The following EVI5 variants were observed in gnomAD, a reference collection of about 807,000 sequenced individuals.
The protein encoded by EVI5 is ecotropic viral integration site 5.
Under a neutral mutation model 112.0 loss-of-function variants are expected in EVI5, and 73 were observed. That is an observed-to-expected ratio of 0.65 (90% CI 0.54 to 0.79). The LOEUF is 0.79. EVI5 is among the 30% of genes least tolerant of loss of function. The pLI is 0.00. For missense variants in EVI5, 900 were observed against 968.8 expected, an observed-to-expected ratio of 0.93 and a Z score of 0.94; for synonymous variants, 305 against 319.9, an observed-to-expected ratio of 0.95 and a Z score of 0.50.
chr1:92,774,498 TC>T (rs1683856049), intron 1 of EVI5, among the ~76,000 whole-genome samples: 1 of 152,194 alleles, frequency 6.6e-6, no homozygotes, highest in Non-Finnish European at 1.5e-5. Flanking sequence ...CATCCTTCCT[TC>T]TATCTCAGTG....
chr1:92,683,163 G>C (rs1667888801), intron 9 of EVI5, among the ~76,000 whole-genome samples: 1 of 152,078 alleles, frequency 6.6e-6, no homozygotes, highest in Non-Finnish European at 1.5e-5. Context: ...TCTGCCCCAT[G>C]ATCACAATTC....
chr1:92,789,159 G>T (rs139925444), upstream of EVI5, among the ~76,000 whole-genome samples: 19 of 152,098 alleles, frequency 1.2e-4, no homozygotes, highest in Non-Finnish European at 2.4e-4. Context: ...CTACTAGATC[G>T]AGAGCTTCAC....
At chr1:92,659,571 T>TA (rs1249356854) in intron 13 of EVI5, among the ~76,000 whole-genome samples, 1 of 152,044 alleles carries the variant, frequency 6.6e-6, no homozygotes, top group Non-Finnish European at 1.5e-5. Flanking sequence ...GAATGGCTAT[T>TA]AAAAAGTCAG....
chr1:92,733,403 C>T (rs1381611848), intron 2 of EVI5: 4 of 101,408 alleles, frequency 3.9e-5, no homozygotes, highest in Non-Finnish European at 7.5e-5. Context: ...TTTACATTAT[C>T]ATCTTTTTTT....
chr1:92,766,623 T>C lies in EVI5; in HGVS notation c.-82+18213A>G, dbSNP rs533544333. Among the ~76,000 whole-genome samples, 26 of 152,268 alleles carry C rather than the reference T, an allele frequency of 1.7e-4. 1 individual carries two copies. The South Asian group carries it at 4.4e-3, about 26-fold the overall frequency. On this transcript the variant is annotated intron_variant, in intron 1 of 19. Transcript: ENST00000684568. ...AAAAGGGTAAATAGTGTCTAGATCA[T>C]AGCAAAGGCCTAAAAACTCTATTTT...
intron 19 of EVI5, among the ~76,000 whole-genome samples, chr1:92,525,177 A>C (rs1243114129): frequency 6.6e-6 from 1 of 151,938 alleles, no homozygotes; most frequent in African/African-American, 2.4e-5. Flanking sequence ...AGAGACACAT[A>C]CATCGGGGTG....
intron 19 of EVI5, among the ~76,000 whole-genome samples, chr1:92,525,753 G>C (rs1377550792): frequency 1.3e-5 from 2 of 152,160 alleles, no homozygotes; most frequent in African/African-American, 4.8e-5. Flanking sequence ...TCGGACGCTG[G>C]TACTATTATT....
intron 19 of EVI5, among the ~76,000 whole-genome samples, chr1:92,539,501 C>T (rs1275826965): frequency 6.7e-6 from 1 of 149,594 alleles, no homozygotes; most frequent in Non-Finnish European, 1.5e-5. Context: ...CGAGATCATG[C>T]CACTGTGCTG....
chr1:92,703,932 C>CAAAAAAAAAAAAAAA lies in EVI5; in HGVS notation c.340-328_340-314dup, dbSNP rs57830016. The CAAAAAAAAAAAAAAA allele has an allele frequency of 2.4e-5, 2 of 82,014 alleles. 1 individual carries two copies. The highest frequency in any genetic ancestry group is 4.2e-5 in the Non-Finnish European group (2 of 47,492). 5.1% of individuals were successfully genotyped at this position (82,014 alleles called of 1,614,324 possible). ...CCAACATTCAAAGGGCTGTTGAAGG[C>CAAAAAAAAAAAAAAA]AAAAAAAAAAAAAAAAAGGAAAATA... On this transcript the variant is annotated intron_variant, in intron 3 of 19. Coordinates refer to ENST00000684568, the MANE Select transcript of EVI5 (RefSeq NM_001350197.2).
intron 13 of EVI5, among the ~76,000 whole-genome samples, chr1:92,643,088 C>T (rs1660286296): frequency 6.6e-6 from 1 of 152,070 alleles, no homozygotes; most frequent in South Asian, 2.1e-4. Flanking sequence ...TTGTTATACC[C>T]CACATTAGCA....
intron 19 of EVI5, among the ~76,000 whole-genome samples, chr1:92,535,599 T>C (rs1421781141): frequency 6.6e-6 from 1 of 152,178 alleles, no homozygotes; most frequent in Non-Finnish European, 1.5e-5. Flanking sequence ...TGAGTTCATG[T>C]CCTTTGCAGG....
At chr1:92,755,469 A>G (rs1164520244) in intron 1 of EVI5, among the ~76,000 whole-genome samples, 2 of 152,218 alleles carry the variant, frequency 1.3e-5, no homozygotes, top group African/African-American at 2.4e-5. Flanking sequence ...ATTTGTCTAA[A>G]GGAAATTAGT....
At chr1:92,630,787 T>C (rs1656876101) in intron 14 of EVI5, among the ~76,000 whole-genome samples, 1 of 152,222 alleles carries the variant, frequency 6.6e-6, no homozygotes, top group Admixed American at 6.5e-5. Flanking sequence ...TCTTCTAGGG[T>C]TTTTATGGTT....
chr1:92,582,097 A>C (rs993602605), intron 18 of EVI5, among the ~76,000 whole-genome samples: 64 of 152,256 alleles, frequency 4.2e-4, no homozygotes, highest in African/African-American at 1.4e-3. Flanking sequence ...CTATACATTT[A>C]GACTATACAG....
intron 1 of EVI5, among the ~76,000 whole-genome samples, chr1:92,791,713 A>G (rs1304536061): frequency 6.6e-6 from 1 of 152,124 alleles, no homozygotes; most frequent in Non-Finnish European, 1.5e-5. Flanking sequence ...TACAAACATT[A>G]GCTAATGTTA....
At chr1:92,641,894 C>T (rs1206194463) in intron 13 of EVI5, among the ~76,000 whole-genome samples, 7 of 152,146 alleles carry the variant, frequency 4.6e-5, no homozygotes, top group South Asian at 4.1e-4. Flanking sequence ...AATCCCAGCA[C>T]TTTAGGAGGC....
At position 92,715,670 on chromosome 1, in the gene EVI5, G is replaced by A. The variant is rs553409547; in HGVS notation, c.150-10926C>T. ...GCAGGGCGGGGCGTCACCTCACCCA[G>A]TAAGCACAAGGCTTCGGGGGATTTC... is the stretch of plus-strand genomic sequence containing the variant. On this transcript the variant is annotated intron_variant, in intron 2 of 19. Coordinates refer to ENST00000684568, the MANE Select transcript of EVI5 (RefSeq NM_001350197.2). 4.6e-5 allele frequency among the ~76,000 whole-genome samples: 7 copies of A among 152,330 alleles called. No individual in the cohort carries two copies. The South Asian group carries it at 1.2e-3, about 27-fold the overall frequency.
At chr1:92,592,425 G>A (rs977543909) in intron 18 of EVI5, among the ~76,000 whole-genome samples, 1 of 152,220 alleles carries the variant, frequency 6.6e-6, no homozygotes, top group African/African-American at 2.4e-5. Flanking sequence ...CAAGCAGTGT[G>A]TAGAGGGAAA....
chr1:92,552,144 GAC>G (rs1667044842), intron 19 of EVI5, among the ~76,000 whole-genome samples: 1 of 116,664 alleles, frequency 8.6e-6, no homozygotes, highest in Admixed American at 8.8e-5. Context: ...AAAAAAAAAA[GAC>G]ACTGGAGCCA....
Sources: allele counts gnomAD v4.1 joint callset (sites outside exome capture counted in the v4.1 genomes callset), GRCh38; gene constraint gnomAD v4.1.1; transcripts MANE v1.5; gene names NCBI Gene and HGNC (gene_info 2026-07-23, HGNC 2026-07-21).